The following OPA3 variants were observed in gnomAD, a reference collection of about 807,000 sequenced individuals.
The protein encoded by OPA3 is outer mitochondrial membrane lipid metabolism regulator OPA3.
A neutral mutation model predicts 4.0 loss-of-function variants in OPA3; 6 were observed. That is an observed-to-expected ratio of 1.51 (90% CI 0.83 to 2.99). The LOEUF (loss-of-function observed/expected upper bound fraction) is 2.99, where lower values mean the gene tolerates loss of function less well. Among genes scored for constraint, OPA3 ranks in the 30% most tolerant of loss-of-function variants. The pLI is 0.00. For synonymous variants in OPA3, 105 were observed against 117.1 expected, an observed-to-expected ratio of 0.90 and a Z score of 0.67; for missense variants, 235 against 256.2, an observed-to-expected ratio of 0.92 and a Z score of 0.56.
At chr19:45,575,887 T>G (rs1188196361) in intron 1 of OPA3, among the ~76,000 whole-genome samples, 1 of 152,202 alleles carries the variant, frequency 6.6e-6, no homozygotes, top group East Asian at 1.9e-4. Context: ...ATAACAGGCA[T>G]GAACCACCGC....
downstream of OPA3, among the ~76,000 whole-genome samples, chr19:45,542,087 A>T (rs1969191793): frequency 6.6e-6 from 1 of 152,066 alleles, no homozygotes; most frequent in African/African-American, 2.4e-5. Flanking sequence ...AGGTGCAGTT[A>T]GGTGTGGTCA....
rs189068529 is a variant in OPA3, at chr19:45,550,138, C to T, written c.*3376G>A. 91 of 909,582 alleles carry T rather than the reference C, an allele frequency of 1.0e-4. 1 individual carries two copies. The South Asian group carries it at 1.1e-3, about 11-fold the overall frequency. 56.3% of individuals were successfully genotyped at this position (909,582 alleles called of 1,614,324 possible). A position where few individuals can be genotyped will look rare whatever the true frequency, so the allele number is the denominator to read the frequency against. On this transcript the variant is annotated 3_prime_UTR_variant, in exon 2 of 2. Coordinates refer to ENST00000263275, the MANE Select transcript of OPA3 (RefSeq NM_025136.4). The stretch of plus-strand genomic sequence containing the variant: ...GCACCACTGCACTCCGTCAGGGTGA[C>T]GGAGCTAGACTGTCTCCGAAAGAAA...
chr19:45,532,961 G>A (rs747080654), intron 1 of OPA3, among the ~76,000 whole-genome samples: 8 of 151,998 alleles, frequency 5.3e-5, no homozygotes, highest in African/African-American at 9.6e-5. Flanking sequence ...ACACCATCTC[G>A]GCTCACTGCA....
intron 1 of OPA3, among the ~76,000 whole-genome samples, chr19:45,537,020 A>G (rs1385250841): frequency 6.6e-6 from 1 of 152,118 alleles, no homozygotes; most frequent in East Asian, 1.9e-4. Context: ...GCTTCAGAGA[A>G]GGGGTTCAAG....
rs959067581 is a variant in OPA3, at chr19:45,531,296, G to A, written c.143-1840C>T. On this transcript the variant is annotated intron_variant, in intron 1 of 1. Coordinates refer to the OPA3 transcript ENST00000323060. ...AAATGCCAGCTGGACTCACTGCTTC[G>A]TATCGTGCCACATTTTCATTTTCTT... Among the ~76,000 whole-genome samples, 15 of 152,122 alleles carry A rather than the reference G, an allele frequency of 9.9e-5. No homozygotes were observed. The South Asian group carries it at 1.0e-3, about 11-fold the overall frequency.
chr19:45,584,172 G>A lies in OPA3; in HGVS notation c.142+451C>T, dbSNP rs557345259. Reference sequence around the variant, plus strand: ...AGGCACGTCGACGTCCTAAACGGAGGATATACAAGCACCTCCTAGATCAGT... The same window carrying A: ...AGGCACGTCGACGTCCTAAACGGAGAATATACAAGCACCTCCTAGATCAGT... On this transcript the variant is annotated intron_variant, in intron 1 of 1. Coordinates refer to ENST00000263275, the MANE Select transcript of OPA3 (RefSeq NM_025136.4). 3.0e-4 allele frequency among the ~76,000 whole-genome samples: 45 copies of A among 152,166 alleles called. No individual in the cohort carries two copies. The East Asian group carries it at 4.6e-3, about 16-fold the overall frequency.
Position 45,549,477 on chromosome 19 carries a change from T to G in OPA3, c.*4037A>C, listed in dbSNP as rs1352668964. On this transcript the variant is annotated 3_prime_UTR_variant, in exon 2 of 2. Transcript: ENST00000263275. ...TTGGAGCTCCTGCCTGTGTTCACACTCCCACCTCTGTTTTTTTTTTTTGAG... is the reference window on the plus strand; with the variant it reads ...TTGGAGCTCCTGCCTGTGTTCACACGCCCACCTCTGTTTTTTTTTTTTGAG... 5.1e-6 allele frequency: 5 copies of G among 982,714 alleles called. No individual in the cohort carries two copies. In the African/African-American group the frequency reaches 8.8e-5, roughly 17 times the overall value. The allele number at this position is 982,714 out of a possible 1,614,324, so 60.9% of individuals were successfully genotyped here.
At chr19:45,570,153 G>C (rs1265375825) in intron 1 of OPA3, among the ~76,000 whole-genome samples, 2 of 152,086 alleles carry the variant, frequency 1.3e-5, no homozygotes, top group Non-Finnish European at 2.9e-5. Flanking sequence ...GATGCACTCA[G>C]GTTGCAAATC....
chr19:45,528,755 T>G (rs1969022569), exon 2 of OPA3: 1 of 351,462 alleles, frequency 2.8e-6, no homozygotes, highest in African/African-American at 2.3e-5. Context: ...TGGGGTCTGA[T>G]AAAAGACGCT....
In OPA3 at chr19:45,572,654, C is replaced by A. The variant is rs1203567880; in HGVS notation, c.142+11969G>T. Reference sequence around the variant, plus strand: ...TATAAATATATATATCGATATATATCATATATATCTATATGAGATATATAT... The same window carrying A: ...TATAAATATATATATCGATATATATAATATATATCTATATGAGATATATAT... On this transcript the variant is annotated intron_variant, in intron 1 of 1. Transcript: ENST00000263275. Among the ~76,000 whole-genome samples, 21 of 133,322 alleles carry A rather than the reference C, an allele frequency of 1.6e-4. 1 individual carries two copies. The East Asian group carries it at 3.8e-3, about 24-fold the overall frequency. The allele number at this position is 133,322 out of a possible 152,430, so 87.5% of individuals were successfully genotyped here. A position where few individuals can be genotyped will look rare whatever the true frequency, so the allele number is the denominator to read the frequency against.
At chr19:45,528,040 G>C (rs950527020) in exon 2 of OPA3, 1 of 152,496 alleles carries the variant, frequency 6.6e-6, no homozygotes, top group Non-Finnish European at 1.5e-5. Flanking sequence ...ACCGTGAGGG[G>C]CAGATTTGGA....
downstream of OPA3, among the ~76,000 whole-genome samples, chr19:45,544,870 C>T (rs1220078149): frequency 6.6e-6 from 1 of 151,708 alleles, no homozygotes; most frequent in Non-Finnish European, 1.5e-5. Context: ...GTAATCCCAG[C>T]TACTTGGGAG....
At chr19:45,542,716 C>A (rs546660997), downstream of OPA3, among the ~76,000 whole-genome samples, 1 of 134,204 alleles carries the variant, frequency 7.5e-6, no homozygotes, top group African/African-American at 2.9e-5. Flanking sequence ...TGTCGCCAGG[C>A]TAGAGGGCAG....
intron 1 of OPA3, among the ~76,000 whole-genome samples, chr19:45,557,317 G>A (rs1402525692): frequency 6.6e-6 from 1 of 152,130 alleles, no homozygotes; most frequent in African/African-American, 2.4e-5. Flanking sequence ...TCAGAGCAGG[G>A]GCCGACGGCA....
intron 1 of OPA3, among the ~76,000 whole-genome samples, chr19:45,562,464 G>A (rs1320350876): frequency 6.6e-6 from 1 of 152,080 alleles, no homozygotes; most frequent in Non-Finnish European, 1.5e-5. Context: ...GCCAAAGCAG[G>A]TGGATCATGA....
intron 1 of OPA3, among the ~76,000 whole-genome samples, chr19:45,537,463 G>C (rs1221645972): frequency 7.0e-6 from 1 of 142,538 alleles, no homozygotes; most frequent in African/African-American, 2.6e-5. Context: ...ACCAGCAAGA[G>C]AGGGAAAAGG....
chr19:45,529,422 G>A (rs1358355590), exon 2 of OPA3: 5 of 1,614,192 alleles, frequency 3.1e-6, no homozygotes, highest in Non-Finnish European at 4.2e-6. Context: ...AACCCATGAT[G>A]CGCATTTTGG....
chr19:45,550,571 C>A lies in OPA3; in HGVS notation c.*2943G>T, dbSNP rs1969317417. 18 of 986,072 alleles carry A rather than the reference C, an allele frequency of 1.8e-5. No individual in the cohort carries two copies. Among genetic ancestry groups the A allele is most frequent in the Non-Finnish European group, 1.8e-5 (15 of 830,414 alleles). 61.1% of individuals were successfully genotyped at this position (986,072 alleles called of 1,614,324 possible). A position where few individuals can be genotyped will look rare whatever the true frequency, so the allele number is the denominator to read the frequency against. ...TCTCACTCTGCCCCTACTACTTCAC[C>A]ACCCTGGGCAGTCAGCCCCTCACTG... On this transcript the variant is annotated 3_prime_UTR_variant, in exon 2 of 2. Transcript: ENST00000263275.
chr19:45,550,852 C>T lies in OPA3; in HGVS notation c.*2662G>A, dbSNP rs1969322157. On this transcript the variant is annotated 3_prime_UTR_variant, in exon 2 of 2. Coordinates refer to ENST00000263275, the MANE Select transcript of OPA3 (RefSeq NM_025136.4). ...CAGGCTACTGGGACCCACCCCCTCC[C>T]GCTTCAGTGGCAGATCCTGGAAGAG... 2.4e-5 allele frequency: 24 copies of T among 985,964 alleles called. No individual in the cohort carries two copies. Among genetic ancestry groups the T allele is most frequent in the South Asian group, 1.4e-4 (3 of 21,284 alleles). 61.1% of individuals were successfully genotyped at this position (985,964 alleles called of 1,614,324 possible). A position where few individuals can be genotyped will look rare whatever the true frequency, so the allele number is the denominator to read the frequency against.
Sources: allele counts gnomAD v4.1 joint callset (sites outside exome capture counted in the v4.1 genomes callset), GRCh38; gene constraint gnomAD v4.1.1; transcripts MANE v1.5; gene names NCBI Gene and HGNC (gene_info 2026-07-23, HGNC 2026-07-21).